The following ABLIM1 variants were observed in gnomAD, a reference collection of about 807,000 sequenced individuals.
ABLIM1 encodes the protein actin-binding LIM protein 1.
ABLIM1 carries 40 observed loss-of-function variants against 107.0 expected under a neutral mutation model. The observed-to-expected ratio is 0.37, with a 90% confidence interval of 0.29 to 0.49. The LOEUF is 0.49. ABLIM1 is among the 20% of genes least tolerant of loss of function. The probability of loss-of-function intolerance (pLI) is 0.97; values close to 1 mark genes in which losing one functional copy is unlikely to be tolerated. For synonymous variants in ABLIM1, 357 were observed against 357.3 expected (o/e 1.00, Z 0.01); for missense variants, 857 against 1,008.5 (o/e 0.85, Z 2.04).
intron 1 of ABLIM1, among the ~76,000 whole-genome samples, chr10:114,759,104 T>C (rs2082690628): frequency 1.3e-5 from 2 of 152,218 alleles, no homozygotes. Context: ...CCTGCTTTCA[T>C]GTTTATTTTA....
the ABLIM1 span, among the ~76,000 whole-genome samples, chr10:114,788,557 G>A: frequency 7.1e-3 from 1,085 of 151,812 alleles, 9 homozygotes; most frequent in African/African-American, 0.025. Context: ...GTGAAACCCC[G>A]TCTCTACTAA....
intron 2 of ABLIM1, among the ~76,000 whole-genome samples, chr10:114,581,251 A>G (rs933634249): frequency 1.3e-5 from 2 of 152,240 alleles, no homozygotes; most frequent in Non-Finnish European, 2.9e-5. Context: ...CAGGAGGGGA[A>G]CAAAGTATGG....
intron 1 of ABLIM1, among the ~76,000 whole-genome samples, chr10:114,607,709 A>C (rs1369126637): frequency 6.6e-6 from 1 of 152,210 alleles, no homozygotes; most frequent in Non-Finnish European, 1.5e-5. Context: ...AAATGGAGGG[A>C]CATTCTACAA....
intron 4 of ABLIM1, among the ~76,000 whole-genome samples, chr10:114,551,336 G>A (rs979421557): frequency 1.3e-5 from 2 of 152,252 alleles, no homozygotes; most frequent in Non-Finnish European, 2.9e-5. Flanking sequence ...GACACAATTT[G>A]AAAATAAAGA....
chr10:114,691,400 C>T (rs1180038882), intron 1 of ABLIM1, among the ~76,000 whole-genome samples: 1 of 152,172 alleles, frequency 6.6e-6, no homozygotes, highest in Non-Finnish European at 1.5e-5. Context: ...CATTTGCATA[C>T]ACAGCTAAGA....
At chr10:114,486,574 C>T (rs576422701) in intron 8 of ABLIM1, among the ~76,000 whole-genome samples, 11 of 152,324 alleles carry the variant, frequency 7.2e-5, no homozygotes, top group Admixed American at 3.9e-4. Flanking sequence ...CAGGTGACTA[C>T]GCCTGTGTGT....
At chr10:114,738,955 G>A (rs1178422085) in intron 1 of ABLIM1, among the ~76,000 whole-genome samples, 2 of 152,126 alleles carry the variant, frequency 1.3e-5, no homozygotes, top group South Asian at 4.2e-4. Context: ...TAATGGGGGT[G>A]AAAGTATTGT....
At chr10:114,489,772 A>G (rs2058682711) in intron 7 of ABLIM1, among the ~76,000 whole-genome samples, 1 of 152,192 alleles carries the variant, frequency 6.6e-6, no homozygotes. Context: ...CTCGGACAGA[A>G]CATCAGATGC....
At chr10:114,535,221 A>T (rs1229296197) in intron 6 of ABLIM1, among the ~76,000 whole-genome samples, 2 of 152,208 alleles carry the variant, frequency 1.3e-5, no homozygotes, top group Non-Finnish European at 2.9e-5. Flanking sequence ...ACACTCTACA[A>T]TCAAGGCCAT....
chr10:114,556,547 A>T (rs1007025395), intron 4 of ABLIM1, among the ~76,000 whole-genome samples: 3 of 152,234 alleles, frequency 2.0e-5, no homozygotes, highest in African/African-American at 7.2e-5. Flanking sequence ...CACATGGATT[A>T]AAAAACCCAG....
intron 1 of ABLIM1, among the ~76,000 whole-genome samples, chr10:114,715,840 C>T (rs1440442200): frequency 6.6e-6 from 1 of 152,118 alleles, no homozygotes; most frequent in East Asian, 1.9e-4. Flanking sequence ...ATTATACTTC[C>T]ATTTGCAAGA....
intron 1 of ABLIM1, among the ~76,000 whole-genome samples, chr10:114,692,505 C>T (rs1249354208): frequency 1.3e-5 from 2 of 152,152 alleles, no homozygotes; most frequent in South Asian, 2.1e-4. Flanking sequence ...TTCCATATTT[C>T]CCCAAAAAAC....
At chr10:114,800,476 T>C in the ABLIM1 span, among the ~76,000 whole-genome samples, 1 of 152,224 alleles carries the variant, frequency 6.6e-6, no homozygotes, top group East Asian at 1.9e-4. Flanking sequence ...ACATTATTTT[T>C]TGGAATATTA....
intron 22 of ABLIM1, among the ~76,000 whole-genome samples, chr10:114,436,801 G>A (rs1470836151): frequency 6.6e-6 from 1 of 152,026 alleles, no homozygotes; most frequent in Non-Finnish European, 1.5e-5. Context: ...GGGTAAGGTG[G>A]ATGTCTGTTC....
intron 1 of ABLIM1, among the ~76,000 whole-genome samples, chr10:114,709,491 A>G (rs1301266348): frequency 6.6e-6 from 1 of 152,236 alleles, no homozygotes; most frequent in African/African-American, 2.4e-5. Context: ...TTTAATGGCC[A>G]CTATGTGAAA....
At chr10:114,634,279 C>A (rs926944076) in intron 1 of ABLIM1, among the ~76,000 whole-genome samples, 80 of 148,780 alleles carry the variant, frequency 5.4e-4, no homozygotes, top group African/African-American at 1.9e-3. Context: ...ACTACAGGCG[C>A]CCGCTACCAC....
intron 3 of ABLIM1, among the ~76,000 whole-genome samples, chr10:114,573,808 G>A (rs967260523): frequency 5.3e-5 from 8 of 152,126 alleles, no homozygotes; most frequent in African/African-American, 1.9e-4. Context: ...AAATCACATA[G>A]GTCTCAATTC....
chr10:114,455,634 T>C (rs2062669433), intron 12 of ABLIM1, among the ~76,000 whole-genome samples: 1 of 152,194 alleles, frequency 6.6e-6, no homozygotes, highest in South Asian at 2.1e-4. Flanking sequence ...AAGTGCTTAA[T>C]AAATGTCTGT....
intron 6 of ABLIM1, among the ~76,000 whole-genome samples, chr10:114,522,537 G>A: frequency 6.6e-6 from 1 of 152,300 alleles, no homozygotes; most frequent in Non-Finnish European, 1.5e-5. Context: ...TAAGGAACCA[G>A]CTGCACAGAA....
Sources: allele counts gnomAD v4.1 joint callset (sites outside exome capture counted in the v4.1 genomes callset), GRCh38; gene constraint gnomAD v4.1.1; transcripts MANE v1.5; gene names NCBI Gene and HGNC (gene_info 2026-07-23, HGNC 2026-07-21).